The following SCN2A variants were observed in gnomAD, a reference collection of about 807,000 sequenced individuals.
The protein encoded by SCN2A is sodium voltage-gated channel alpha subunit 2.
In SCN2A, 20 loss-of-function variants were observed where a neutral mutation model predicts 188.7. The observed-to-expected ratio is 0.11, with a 90% confidence interval of 0.07 to 0.15. The LOEUF is 0.15. Among genes scored for constraint, SCN2A ranks in the 10% least tolerant of loss-of-function variants. The probability of loss-of-function intolerance (pLI) is 1.00; values close to 1 mark genes in which losing one functional copy is unlikely to be tolerated. For missense variants in SCN2A, 1,278 were observed against 2,445.0 expected (o/e 0.52, Z 10.07); for synonymous variants, 804 against 833.1 (o/e 0.97, Z 0.60).
At chr2:165,373,577 A>G (rs1030945482) in intron 21 of SCN2A, among the ~76,000 whole-genome samples, 3 of 152,106 alleles carry the variant, frequency 2.0e-5, no homozygotes, top group African/African-American at 7.2e-5. Context: ...CTAGATTTTC[A>G]CTTCTTGGAA....
chr2:165,269,911 C>T (rs950120575), intron 1 of SCN2A: 2 of 151,776 alleles, frequency 1.3e-5, no homozygotes, highest in Admixed American at 1.3e-4. Flanking sequence ...ATTCAAATGG[C>T]CTCTTTATTC....
intron 14 of SCN2A, among the ~76,000 whole-genome samples, chr2:165,336,963 T>C (rs558689407): frequency 6.6e-6 from 1 of 151,990 alleles, no homozygotes; most frequent in South Asian, 2.1e-4. Context: ...TCATAGTTAA[T>C]AGATTAAAGC....
chr2:165,309,002 TAA>T (rs1697288335), intron 5 of SCN2A, among the ~76,000 whole-genome samples: 1 of 152,088 alleles, frequency 6.6e-6, no homozygotes, highest in African/African-American at 2.4e-5. Context: ...TGTAAAGTAA[TAA>T]AGTTTCCCAA....
At chr2:165,291,097 A>G (rs1232256029) in intron 1 of SCN2A, among the ~76,000 whole-genome samples, 1 of 122,332 alleles carries the variant, frequency 8.2e-6, no homozygotes, top group African/African-American at 3.2e-5. Flanking sequence ...GCTGGAGTGC[A>G]GTGGCATGAT....
At chr2:165,332,186 C>T (rs1559368642) in intron 14 of SCN2A, among the ~76,000 whole-genome samples, 1 of 151,504 alleles carries the variant, frequency 6.6e-6, no homozygotes, top group East Asian at 1.9e-4. Flanking sequence ...GAAAATCACG[C>T]AAAAAAGTAT....
chr2:165,299,633 A>C (rs760493144), intron 3 of SCN2A, among the ~76,000 whole-genome samples: 11 of 152,224 alleles, frequency 7.2e-5, no homozygotes, highest in Non-Finnish European at 1.0e-4. Context: ...ATAGCCCAGT[A>C]AAGTTAGAGG....
chr2:165,360,115 C>A (rs1223383324), intron 17 of SCN2A, among the ~76,000 whole-genome samples: 1 of 151,700 alleles, frequency 6.6e-6, no homozygotes, highest in Non-Finnish European at 1.5e-5. Context: ...AAATTAAAAT[C>A]TCTCTCTCTT....
At chr2:165,314,167 T>C in intron 10 of SCN2A, 59 bp downstream of exon 10, 16 of 1,545,708 alleles carry the variant, frequency 1.0e-5, no homozygotes, top group Non-Finnish European at 1.4e-5. Context: ...TTAACCTAAA[T>C]GTTGAGGTCA....
chr2:165,340,360 T>A (rs1005082097), intron 14 of SCN2A, among the ~76,000 whole-genome samples: 1 of 152,208 alleles, frequency 6.6e-6, no homozygotes, highest in African/African-American at 2.4e-5. Flanking sequence ...CAATTTGAAG[T>A]ATTCAAGTAA....
intron 17 of SCN2A, among the ~76,000 whole-genome samples, chr2:165,362,402 A>T (rs1700506046): frequency 6.6e-6 from 1 of 152,054 alleles, no homozygotes; most frequent in Non-Finnish European, 1.5e-5. Context: ...GAAAATGAAT[A>T]AAAAAGCAAT....
chr2:165,327,991 G>A (rs1456875474), intron 13 of SCN2A: 4 of 152,166 alleles, frequency 2.6e-5, no homozygotes, highest in Non-Finnish European at 5.9e-5. Flanking sequence ...GTGAGTGTGA[G>A]TGTGTGTAGA....
In SCN2A at chr2:165,386,430, C is replaced by G. The variant is rs1000585800; in HGVS notation, c.4552-316C>G. ...AGTGAGCCAAGATCGTGCCACTGCACTCCAACCTGTGCAACAGAGCGAGAC... is the reference window on the plus strand; with the variant it reads ...AGTGAGCCAAGATCGTGCCACTGCAGTCCAACCTGTGCAACAGAGCGAGAC... On this transcript the variant is annotated intron_variant, in intron 25 of 26. Transcript: ENST00000375437. Among the ~76,000 whole-genome samples, 5 of 152,006 alleles carry G rather than the reference C, an allele frequency of 3.3e-5. No homozygotes were observed. In the East Asian group the frequency reaches 9.7e-4, roughly 29 times the overall value.
intron 1 of SCN2A, among the ~76,000 whole-genome samples, chr2:165,278,408 G>A (rs576936847): frequency 3.3e-5 from 5 of 152,186 alleles, no homozygotes; most frequent in African/African-American, 9.6e-5. Flanking sequence ...TTCTCCAGGC[G>A]GCAGGAAGAA....
At position 165,389,185 on chromosome 2, in the gene SCN2A, T is replaced by C; in HGVS notation, c.5379T>C (p.Asp1793=). 6.2e-7 allele frequency: 1 copy of C among 1,614,106 alleles called. No homozygotes were observed. Among genetic ancestry groups the C allele is most frequent in the Admixed American group, 1.7e-5 (1 of 59,990 alleles). Reference sequence around the variant, plus strand: ...AAAGTGCAGAGCCTCTGAGTGAGGATGACTTTGAGATGTTCTATGAGGTTT... The same window carrying C: ...AAAGTGCAGAGCCTCTGAGTGAGGACGACTTTGAGATGTTCTATGAGGTTT... ...TEESAEPLSE[D]DFEMFYEVWE... The change falls in exon 27 of 27, where the codon GAT becomes GAC. Residue 1793 remains aspartate (D), a synonymous_variant. Transcript: ENST00000375437. This position sits in a 1 kb window ranked among gnomAD's most constrained non-coding sequence, Gnocchi z 4.2.
chr2:165,353,325 G>T (rs1020541285), intron 16 of SCN2A, among the ~76,000 whole-genome samples: 5 of 151,994 alleles, frequency 3.3e-5, no homozygotes, highest in Non-Finnish European at 5.9e-5. Context: ...ATACGTTTTT[G>T]TCTGATTTGT....
chr2:165,369,648 CG>C (rs1238134998), intron 19 of SCN2A, among the ~76,000 whole-genome samples: 3 of 152,064 alleles, frequency 2.0e-5, no homozygotes, highest in Admixed American at 6.6e-5. Context: ...AATTTCCAAA[CG>C]TACACCCACC....
At chr2:165,306,693 G>A (rs1008611750) in intron 3 of SCN2A, among the ~76,000 whole-genome samples, 54 of 151,994 alleles carry the variant, frequency 3.6e-4, no homozygotes, top group Middle Eastern at 6.8e-3. Flanking sequence ...TATTATTATT[G>A]TTTTGACTAA....
At chr2:165,298,940 G>GA (rs1574531672) in intron 3 of SCN2A, among the ~76,000 whole-genome samples, 1 of 150,314 alleles carries the variant, frequency 6.7e-6, no homozygotes. Flanking sequence ...CAAAAAAAGT[G>GA]AAAAAATAAG....
chr2:165,353,911 ATATTTATC>A lies in SCN2A; in HGVS notation c.2920-279_2920-272del, dbSNP rs201277197. ...AAGGGTTTTTTTTGTACAGTTGTCT[ATATTTATC>A]TTTTGGAACTGAGCTTAATAGAAAT... On this transcript the variant is annotated intron_variant, in intron 16 of 26. Coordinates refer to ENST00000375437, the MANE Select transcript of SCN2A (RefSeq NM_001040142.2). Among the ~76,000 whole-genome samples the A allele has an allele frequency of 0.062, 9,416 of 152,180 alleles. 385 individuals carry two copies. The highest frequency in any genetic ancestry group is 0.092 in the Non-Finnish European group (6,267 of 67,978).
Sources: allele counts gnomAD v4.1 joint callset (sites outside exome capture counted in the v4.1 genomes callset), GRCh38; gene constraint gnomAD v4.1.1; non-coding constraint Gnocchi (gnomAD v3.1); transcripts MANE v1.5; gene names NCBI Gene and HGNC (gene_info 2026-07-23, HGNC 2026-07-21).